INPP4B: variants seen among roughly 807,000 people sequenced by gnomAD.
The protein encoded by INPP4B is inositol polyphosphate-4-phosphatase type II B.
In INPP4B, 55 loss-of-function variants were observed where a neutral mutation model predicts 122.5. That is an observed-to-expected ratio of 0.45 (90% CI 0.36 to 0.56). The LOEUF (loss-of-function observed/expected upper bound fraction) is 0.56. Ranked by LOEUF, INPP4B falls within the 20% of genes least tolerant of loss-of-function variation. INPP4B has a pLI of 0.00. For missense variants in INPP4B, 1,000 were observed against 1,097.7 expected (o/e 0.91, Z 1.26); for synonymous variants, 403 against 388.7 (o/e 1.04, Z -0.43).
At chr4:142,674,088 C>T (rs1223105692) in intron 2 of INPP4B, among the ~76,000 whole-genome samples, 1 of 152,090 alleles carries the variant, frequency 6.6e-6, no homozygotes, top group African/African-American at 2.4e-5. Context: ...TTCTCTGATC[C>T]CAGGACAAGT....
chr4:142,704,863 C>T (rs1289881155), intron 2 of INPP4B, among the ~76,000 whole-genome samples: 2 of 152,122 alleles, frequency 1.3e-5, no homozygotes, highest in African/African-American at 4.8e-5. Context: ...TACTTTTCAC[C>T]CCCACCCATC....
chr4:142,325,516 T>C (rs1399569016), intron 7 of INPP4B, among the ~76,000 whole-genome samples: 3 of 152,244 alleles, frequency 2.0e-5, no homozygotes, highest in African/African-American at 7.2e-5. Flanking sequence ...ACTCACTAAA[T>C]GCGATCATCT....
chr4:142,450,314 T>A (rs1813857605), intron 3 of INPP4B, among the ~76,000 whole-genome samples: 1 of 152,176 alleles, frequency 6.6e-6, no homozygotes, highest in African/African-American at 2.4e-5. Context: ...ATAACTACTG[T>A]CTTAATGTCA....
At chr4:142,498,662 C>T (rs943092721) in intron 2 of INPP4B, among the ~76,000 whole-genome samples, 10 of 151,806 alleles carry the variant, frequency 6.6e-5, no homozygotes, top group Admixed American at 2.6e-4. Context: ...ATGGTGGCAT[C>T]TGCCTGTAGT....
At chr4:142,516,202 T>C (rs1470653016) in intron 2 of INPP4B, among the ~76,000 whole-genome samples, 5 of 152,108 alleles carry the variant, frequency 3.3e-5, no homozygotes, top group African/African-American at 1.2e-4. Flanking sequence ...CTCAATTCTA[T>C]TACTGCAAAC....
chr4:142,642,015 C>A (rs891461796), intron 2 of INPP4B, among the ~76,000 whole-genome samples: 6 of 152,170 alleles, frequency 3.9e-5, no homozygotes, highest in African/African-American at 1.4e-4. Flanking sequence ...CTCTGATGAC[C>A]AGTGATGATG....
intron 25 of INPP4B, among the ~76,000 whole-genome samples, chr4:142,044,574 C>T (rs78174929): frequency 0.016 from 2,378 of 152,010 alleles, 82 homozygotes; most frequent in African/African-American, 0.055. Flanking sequence ...AGCATTCTAT[C>T]CTATGGAAAC....
At chr4:142,242,886 G>T (rs577573343) in intron 11 of INPP4B, among the ~76,000 whole-genome samples, 1 of 152,206 alleles carries the variant, frequency 6.6e-6, no homozygotes, top group South Asian at 2.1e-4. Context: ...ATGTGTGGGG[G>T]GAGTGGTGGA....
At chr4:142,671,969 A>G (rs1485674987) in intron 2 of INPP4B, among the ~76,000 whole-genome samples, 4 of 152,046 alleles carry the variant, frequency 2.6e-5, no homozygotes, top group East Asian at 1.9e-4. Context: ...TTTCTGTCCT[A>G]TGGTTTTGTC....
intron 7 of INPP4B, among the ~76,000 whole-genome samples, chr4:142,400,683 A>T (rs988816983): frequency 3.9e-5 from 6 of 152,204 alleles, no homozygotes; most frequent in Non-Finnish European, 5.9e-5. Flanking sequence ...GTATTTCTTA[A>T]GTATGTTCAA....
chr4:142,561,662 TC>T (rs1730506076), intron 2 of INPP4B, among the ~76,000 whole-genome samples: 1 of 152,002 alleles, frequency 6.6e-6, no homozygotes, highest in Non-Finnish European at 1.5e-5. Context: ...CTCATGATCC[TC>T]CCGCCTCGGC....
intron 2 of INPP4B, among the ~76,000 whole-genome samples, chr4:142,651,321 A>C (rs1465799319): frequency 6.6e-6 from 1 of 152,186 alleles, no homozygotes; most frequent in Non-Finnish European, 1.5e-5. Flanking sequence ...CTAGAGAAGC[A>C]AGAGCAAACA....
intron 2 of INPP4B, among the ~76,000 whole-genome samples, chr4:142,518,384 C>G (rs1825673663): frequency 6.6e-6 from 1 of 152,068 alleles, no homozygotes; most frequent in Non-Finnish European, 1.5e-5. Flanking sequence ...GACACTTCAC[C>G]TAGCAGAAAT....
chr4:142,584,285 C>G (rs1735700201), intron 2 of INPP4B, among the ~76,000 whole-genome samples: 1 of 152,094 alleles, frequency 6.6e-6, no homozygotes, highest in Non-Finnish European at 1.5e-5. Flanking sequence ...ATTCATATGG[C>G]TCATATGTTA....
chr4:142,285,176 A>G (rs1454460492), intron 9 of INPP4B, among the ~76,000 whole-genome samples: 1 of 151,932 alleles, frequency 6.6e-6, no homozygotes, highest in Non-Finnish European at 1.5e-5. Flanking sequence ...GGGATTAATG[A>G]TGAGATCTCG....
intron 2 of INPP4B, among the ~76,000 whole-genome samples, chr4:142,527,221 T>C (rs1827034402): frequency 6.6e-6 from 1 of 151,166 alleles, no homozygotes; most frequent in Non-Finnish European, 1.5e-5. Context: ...TAAGTAATAT[T>C]ATTAATTATG....
At chr4:142,058,586 C>A (rs773289951) in intron 25 of INPP4B, among the ~76,000 whole-genome samples, 26 of 152,198 alleles carry the variant, frequency 1.7e-4, no homozygotes, top group East Asian at 3.9e-4. Context: ...ATATACCACT[C>A]TCATATACCA....
intron 16 of INPP4B, among the ~76,000 whole-genome samples, chr4:142,165,857 C>T (rs1008249834): frequency 1.3e-5 from 2 of 151,680 alleles, no homozygotes; most frequent in Non-Finnish European, 2.9e-5. Context: ...ATGAAAGTTG[C>T]AGGTCCATAT....
At chr4:142,273,559 T>C (rs1235293960) in intron 9 of INPP4B, among the ~76,000 whole-genome samples, 2 of 151,912 alleles carry the variant, frequency 1.3e-5, no homozygotes, top group African/African-American at 4.8e-5. Context: ...ATCAATGAAA[T>C]ATGGGAGTAA....
Sources: allele counts gnomAD v4.1 joint callset (sites outside exome capture counted in the v4.1 genomes callset), GRCh38; gene constraint gnomAD v4.1.1; transcripts MANE v1.5; gene names NCBI Gene and HGNC (gene_info 2026-07-23, HGNC 2026-07-21).